SNX24: variants seen among roughly 807,000 people sequenced by gnomAD.
SNX24 encodes sorting nexin-24.
Under a neutral mutation model 28.7 loss-of-function variants are expected in SNX24, and 22 were observed. The ratio of observed to expected loss-of-function variants is 0.77; its 90% confidence interval spans 0.55 to 1.10. The LOEUF (loss-of-function observed/expected upper bound fraction) is 1.10, where lower values mean the gene tolerates loss of function less well. SNX24 is among the 50% of genes least tolerant of loss of function. The pLI, the probability that SNX24 is intolerant of heterozygous loss-of-function variation, is 0.00. For missense variants in SNX24, 221 were observed against 201.1 expected, an observed-to-expected ratio of 1.10 and a Z score of -0.60; for synonymous variants, 69 against 71.5, an observed-to-expected ratio of 0.96 and a Z score of 0.18.
chr5:122,997,957 CAT>C (rs936936168), intron 3 of SNX24, among the ~76,000 whole-genome samples: 6 of 151,978 alleles, frequency 3.9e-5, no homozygotes, highest in South Asian at 2.1e-4. Flanking sequence ...ATCATTGAAA[CAT>C]GTGTCATAGC....
At chr5:123,023,972 G>A (rs1472582663) in intron 5 of SNX24, 5 of 1,613,908 alleles carry the variant, frequency 3.1e-6, no homozygotes, top group Non-Finnish European at 4.2e-6. Flanking sequence ...ATGCCCATCA[G>A]TTGCTTGGAG....
At chr5:122,952,429 C>A (rs1023253117) in intron 3 of SNX24, among the ~76,000 whole-genome samples, 4 of 152,148 alleles carry the variant, frequency 2.6e-5, no homozygotes, top group Non-Finnish European at 2.9e-5. Context: ...CCCAAGTTAA[C>A]AACCCCCTTC....
intron 3 of SNX24, among the ~76,000 whole-genome samples, chr5:122,997,534 G>A (rs754325567): frequency 3.9e-5 from 6 of 152,120 alleles, no homozygotes; most frequent in Non-Finnish European, 8.8e-5. Context: ...TGATCATGCC[G>A]TAGATGTAGC....
chr5:122,884,552 GTTTC>G (rs536572233), intron 1 of SNX24, among the ~76,000 whole-genome samples: 91 of 151,708 alleles, frequency 6.0e-4, no homozygotes, highest in Admixed American at 1.6e-3. Flanking sequence ...CACCCAGCCT[GTTTC>G]TTTATCACAT....
intron 1 of SNX24, among the ~76,000 whole-genome samples, chr5:122,882,420 G>A (rs1033527868): frequency 2.6e-5 from 4 of 152,194 alleles, no homozygotes; most frequent in Non-Finnish European, 5.9e-5. Context: ...GGAGAGTTGT[G>A]TAAAATGTAC....
chr5:123,028,210 A>G (rs1054410483), intron 5 of SNX24, among the ~76,000 whole-genome samples: 8 of 152,248 alleles, frequency 5.3e-5, no homozygotes, highest in African/African-American at 1.9e-4. Context: ...TAGAACAGAA[A>G]AATGAAAACA....
At chr5:122,890,079 T>C (rs7737064) in intron 1 of SNX24, among the ~76,000 whole-genome samples, 5,592 of 152,246 alleles carry the variant, frequency 0.037, 297 homozygotes, top group African/African-American at 0.11. Context: ...GGCCATAGAC[T>C]GTCCTTCAAT....
chr5:122,862,811 A>G (rs1031774106), intron 1 of SNX24, among the ~76,000 whole-genome samples: 2 of 152,030 alleles, frequency 1.3e-5, no homozygotes, highest in African/African-American at 4.8e-5. Flanking sequence ...TGGAAGCTCT[A>G]TTTTGGAGGT....
intron 3 of SNX24, among the ~76,000 whole-genome samples, chr5:122,988,551 G>C (rs1581838060): frequency 6.6e-6 from 1 of 152,276 alleles, no homozygotes; most frequent in East Asian, 1.9e-4. Context: ...ACCTATTAAA[G>C]TAGAATTGTA....
intron 5 of SNX24, among the ~76,000 whole-genome samples, chr5:123,015,702 G>T (rs538963647): frequency 1.8e-4 from 27 of 151,990 alleles, no homozygotes; most frequent in Non-Finnish European, 3.2e-4. Context: ...CAGTCCTAGG[G>T]CACTTCAAAT....
intron 3 of SNX24, among the ~76,000 whole-genome samples, chr5:122,952,068 C>T (rs1168608038): frequency 6.6e-6 from 1 of 152,186 alleles, no homozygotes; most frequent in East Asian, 1.9e-4. Context: ...CTAAAACTAC[C>T]TTCAAGCTAT....
intron 1 of SNX24, among the ~76,000 whole-genome samples, chr5:122,915,960 G>T (rs1434539341): frequency 6.6e-6 from 1 of 152,234 alleles, no homozygotes; most frequent in Non-Finnish European, 1.5e-5. Context: ...CCCTGGCTGG[G>T]CTCTCCTGTT....
At chr5:122,890,070 G>A (rs1756901267) in intron 1 of SNX24, among the ~76,000 whole-genome samples, 1 of 152,064 alleles carries the variant, frequency 6.6e-6, no homozygotes, top group Non-Finnish European at 1.5e-5. Flanking sequence ...GTTGAGACAG[G>A]CCATAGACTG....
chr5:122,888,346 G>A (rs181562035), intron 1 of SNX24, among the ~76,000 whole-genome samples: 46 of 152,252 alleles, frequency 3.0e-4, no homozygotes, highest in Middle Eastern at 3.4e-3. Flanking sequence ...TAAGAGTGAA[G>A]GCTCTGAAAC....
At chr5:122,975,128 T>G (rs959567181) in intron 3 of SNX24, among the ~76,000 whole-genome samples, 3 of 152,324 alleles carry the variant, frequency 2.0e-5, no homozygotes, top group Non-Finnish European at 2.9e-5. Context: ...TAATGCACTT[T>G]AGTTGACCAT....
intron 3 of SNX24, among the ~76,000 whole-genome samples, chr5:122,990,960 T>G (rs1290696657): frequency 6.6e-6 from 1 of 152,114 alleles, no homozygotes; most frequent in African/African-American, 2.4e-5. Flanking sequence ...GCAGTGGCCC[T>G]ATCTTGGCTT....
chr5:123,009,977 C>G (rs1053698023), downstream of SNX24, among the ~76,000 whole-genome samples: 9 of 152,230 alleles, frequency 5.9e-5, no homozygotes, highest in African/African-American at 2.2e-4. Flanking sequence ...GACCTGTTAT[C>G]TCCATGAGAT....
At chr5:122,913,716 G>A (rs538464432) in intron 1 of SNX24, among the ~76,000 whole-genome samples, 267 of 152,360 alleles carry the variant, frequency 1.8e-3, no homozygotes, top group African/African-American at 6.1e-3. Flanking sequence ...ATGGCGGCCG[G>A]GCAGAGGCTG....
rs555090711 is a variant in SNX24, at chr5:122,877,868, C to G, written c.60+32175C>G. ...CAATGAATGATGATTCCTCACTGGA[C>G]TCCTCTCTTGGTGGTCCTGCTCCTA... On this transcript the variant is annotated intron_variant, in intron 1 of 6. Coordinates refer to ENST00000261369, the MANE Select transcript of SNX24 (RefSeq NM_014035.4). 7.9e-5 allele frequency among the ~76,000 whole-genome samples: 12 copies of G among 152,214 alleles called. No homozygotes were observed. In the East Asian group the frequency reaches 2.3e-3, roughly 29 times the overall value.
Sources: allele counts gnomAD v4.1 joint callset (sites outside exome capture counted in the v4.1 genomes callset), GRCh38; gene constraint gnomAD v4.1.1; transcripts MANE v1.5; gene names NCBI Gene and HGNC (gene_info 2026-07-23, HGNC 2026-07-21).